Variants in CYSLTR1 observed in about 807,000 individuals in gnomAD.
CYSLTR1 encodes the protein cysteinyl leukotriene receptor 1.
A neutral mutation model predicts 2.1 loss-of-function variants in CYSLTR1; 1 was observed. That is an observed-to-expected ratio of 0.48 (90% CI 0.17 to 2.28). The LOEUF is 2.28. Among genes scored for constraint, CYSLTR1 ranks in the 30% most tolerant of loss-of-function variants. CYSLTR1 has a pLI of 0.26. For missense variants in CYSLTR1, 299 were observed against 250.1 expected, an observed-to-expected ratio of 1.20 and a Z score of -1.32; for synonymous variants, 110 against 89.6, an observed-to-expected ratio of 1.23 and a Z score of -1.28.
chrX:78,285,435 A>T, intron 1 of CYSLTR1, among the ~76,000 whole-genome samples: 1 of 110,384 alleles, frequency 9.1e-6, no homozygotes, highest in East Asian at 2.8e-4. Flanking sequence ...AAAAAAAAAA[A>T]AAAAAAATTC....
intron 1 of CYSLTR1, among the ~76,000 whole-genome samples, chrX:78,292,536 T>C (rs1922387735): frequency 8.9e-6 from 1 of 111,742 alleles, no homozygotes; most frequent in Non-Finnish European, 1.9e-5. Context: ...TAACATTCTG[T>C]CTCATTGATC....
In CYSLTR1 at chrX:78,326,237, T is replaced by G. The variant is rs187495077; in HGVS notation, c.-115+1068A>C. 3.9e-3 allele frequency among the ~76,000 whole-genome samples: 441 copies of G among 112,268 alleles called. 1 individual carries two copies. The highest frequency in any genetic ancestry group is 0.014 in the African/African-American group (425 of 30,956). Reference sequence around the variant, plus strand: ...ATAGTAAAACAACAACAGAAAACATTTCTGAATGATTAAGACTTCTGTAAT... The same window carrying G: ...ATAGTAAAACAACAACAGAAAACATGTCTGAATGATTAAGACTTCTGTAAT... On this transcript the variant is annotated intron_variant, in intron 1 of 2. Coordinates refer to ENST00000373304, the MANE Select transcript of CYSLTR1 (RefSeq NM_006639.4).
At chrX:78,287,779 G>A (rs1480870842) in intron 1 of CYSLTR1, among the ~76,000 whole-genome samples, 1 of 111,214 alleles carries the variant, frequency 9.0e-6, no homozygotes, top group African/African-American at 3.3e-5. Flanking sequence ...GGGTAGGAAG[G>A]GGAGAGCCCA....
At chrX:78,290,981 T>C (rs184771532) in intron 1 of CYSLTR1, among the ~76,000 whole-genome samples, 1 of 112,008 alleles carries the variant, frequency 8.9e-6, no homozygotes, top group East Asian at 2.8e-4. Context: ...AGGCCAGAAC[T>C]TCCAACACCA....
At chrX:78,325,109 G>A (rs565688432) in intron 1 of CYSLTR1, among the ~76,000 whole-genome samples, 4 of 112,016 alleles carry the variant, frequency 3.6e-5, no homozygotes, top group East Asian at 5.6e-4. Context: ...AACAAAAGGT[G>A]GATAGTGCTT....
chrX:78,278,318 G>GGA (rs1024037597), intron 2 of CYSLTR1, among the ~76,000 whole-genome samples: 6 of 111,382 alleles, frequency 5.4e-5, no homozygotes, highest in Admixed American at 9.6e-5. Context: ...AGAAAGACAG[G>GGA]GAGAGAGAGC....
At chrX:78,307,619 C>G (rs138680957) in intron 1 of CYSLTR1, among the ~76,000 whole-genome samples, 16 of 111,481 alleles carry the variant, frequency 1.4e-4, no homozygotes, top group Non-Finnish European at 2.6e-4. Context: ...CACTCAGACT[C>G]AAGGGGAGGA....
At position 78,309,388 on chromosome X, in the gene CYSLTR1, T is replaced by G. The variant is rs149837220; in HGVS notation, c.-115+17917A>C. On this transcript the variant is annotated intron_variant, in intron 1 of 2. Transcript: ENST00000373304. ...ATAAACCTATTAGCATAATATGAAATTTGATTCTCTAAGGTGTATTCAATT... is the reference window on the plus strand; with the variant it reads ...ATAAACCTATTAGCATAATATGAAAGTTGATTCTCTAAGGTGTATTCAATT... Among the ~76,000 whole-genome samples the G allele has an allele frequency of 3.8e-3, 421 of 111,771 alleles. 2 individuals are homozygous for G. The highest frequency in any genetic ancestry group is 6.5e-3 in the Non-Finnish European group (343 of 53,037).
intron 2 of CYSLTR1, among the ~76,000 whole-genome samples, chrX:78,274,187 C>A (rs901174651): frequency 2.7e-5 from 3 of 111,341 alleles, no homozygotes; most frequent in Non-Finnish European, 5.6e-5. Context: ...ATTGGAAAAT[C>A]TCTGAATTGT....
Position 78,273,753 on chromosome X carries a change from C to T in CYSLTR1, c.-7G>A, listed in dbSNP as rs201966321. Reference sequence around the variant, plus strand: ...GATTTCCTGTTTCATCCATGTTTCTCTACGAATGTCTGCTTTGTGCCTATA... The same window carrying T: ...GATTTCCTGTTTCATCCATGTTTCTTTACGAATGTCTGCTTTGTGCCTATA... On this transcript the variant is annotated 5_prime_UTR_variant, in exon 3 of 3. Coordinates refer to ENST00000373304, the MANE Select transcript of CYSLTR1 (RefSeq NM_006639.4). The T allele has an allele frequency of 4.2e-6, 5 of 1,182,523 alleles. No individual in the cohort carries two copies. The highest frequency in any genetic ancestry group is 5.7e-6 in the Non-Finnish European group (5 of 880,152).
At chrX:78,307,984 C>T (rs1923088516) in intron 1 of CYSLTR1, among the ~76,000 whole-genome samples, 1 of 110,079 alleles carries the variant, frequency 9.1e-6, no homozygotes, top group African/African-American at 3.3e-5. Flanking sequence ...ATAGCAAAAT[C>T]TGGGGATGCA....
In CYSLTR1 at chrX:78,327,423, C is replaced by A. The variant is rs984505062; in HGVS notation, c.-233G>T. 2 of 111,904 alleles carry A rather than the reference C, an allele frequency of 1.8e-5. No individual in the cohort carries two copies. Among genetic ancestry groups the A allele is most frequent in the African/African-American group, 6.5e-5 (2 of 30,736 alleles). The allele number at this position is 111,904 out of a possible 1,213,427, so 9.2% of individuals were successfully genotyped here. On this transcript the variant is annotated 5_prime_UTR_variant, in exon 1 of 3. Transcript: ENST00000373304. The stretch of plus-strand genomic sequence containing the variant: ...GCAATTAATCCTTGTTGGCGAGCTG[C>A]ACAGTATCTTGATACCCTGTAGGGT...
chrX:78,293,047 T>C (rs1330890969), intron 1 of CYSLTR1, among the ~76,000 whole-genome samples: 1 of 111,580 alleles, frequency 9.0e-6, no homozygotes, highest in African/African-American at 3.3e-5. Context: ...TTTTGGCCAT[T>C]ACTTGATGCA....
At chrX:78,293,450 T>C (rs1381023572) in intron 1 of CYSLTR1, among the ~76,000 whole-genome samples, 2 of 111,582 alleles carry the variant, frequency 1.8e-5, no homozygotes, top group African/African-American at 6.5e-5. Flanking sequence ...CTGACAATTA[T>C]GTATCCTGGA....
intron 1 of CYSLTR1, among the ~76,000 whole-genome samples, chrX:78,297,779 T>C (rs918111023): frequency 8.1e-5 from 9 of 111,697 alleles, no homozygotes; most frequent in Non-Finnish European, 1.5e-4. Context: ...CTTTTCTTAG[T>C]CTAGCTCAAG....
intron 1 of CYSLTR1, among the ~76,000 whole-genome samples, chrX:78,298,402 T>A (rs760006630): frequency 5.4e-5 from 6 of 111,668 alleles, no homozygotes; most frequent in Non-Finnish European, 1.1e-4. Context: ...TAGTGTGTAG[T>A]GCAGATTAAG....
At position 78,318,071 on chromosome X, in the gene CYSLTR1, A is replaced by C. The variant is rs150286477; in HGVS notation, c.-115+9234T>G. On this transcript the variant is annotated intron_variant, in intron 1 of 2. Coordinates refer to ENST00000373304, the MANE Select transcript of CYSLTR1 (RefSeq NM_006639.4). ...AAGGAATATAAATTCTTCTATTATA[A>C]GGACACATGCATGTGTATGTTCATT... is the stretch of plus-strand genomic sequence containing the variant. Among the ~76,000 whole-genome samples, 302 of 112,674 alleles carry C rather than the reference A, an allele frequency of 2.7e-3. 1 individual carries two copies. The highest frequency in any genetic ancestry group is 4.0e-3 in the Non-Finnish European group (212 of 53,307).
At chrX:78,308,269 C>T (rs764195719) in intron 1 of CYSLTR1, among the ~76,000 whole-genome samples, 32 of 111,430 alleles carry the variant, frequency 2.9e-4, no homozygotes, top group East Asian at 5.6e-4. Flanking sequence ...GTAAATGGTA[C>T]GTGAAAAGTT....
rs900801991 is a variant in CYSLTR1 at position 78,303,735 on chromosome X, T to C, written c.-114-20195A>G. On this transcript the variant is annotated intron_variant, in intron 1 of 2. Transcript: ENST00000373304. ...GTTGCGTGGACAAAGACAATAAACA[T>C]AGTGGAAAATTCATAGGACTATTAG... Among the ~76,000 whole-genome samples the C allele has an allele frequency of 4.5e-5, 5 of 111,954 alleles. No individual in the cohort carries two copies. In the East Asian group the frequency reaches 1.4e-3, roughly 31 times the overall value.
Sources: gnomAD v4.1 joint callset for allele counts (sites outside exome capture counted in the v4.1 genomes callset) on GRCh38, gnomAD v4.1.1 for gene constraint, MANE v1.5 for transcripts, NCBI Gene and HGNC (gene_info 2026-07-23, HGNC 2026-07-21) for gene names.